Variants in IRS2 observed in about 807,000 individuals in gnomAD.
IRS2 encodes insulin receptor substrate 2.
Under a neutral mutation model 70.9 loss-of-function variants are expected in IRS2, and 28 were observed. The ratio of observed to expected loss-of-function variants is 0.39; its 90% CI spans 0.29 to 0.54. The LOEUF is 0.54. IRS2 is among the 20% of genes least tolerant of loss of function. IRS2 has a pLI of 0.59. For synonymous variants in IRS2, 1,217 were observed against 981.9 expected (o/e 1.24, Z -4.48); for missense variants, 2,081 against 2,024.1 (o/e 1.03, Z -0.54).
intron 1 of IRS2, among the ~76,000 whole-genome samples, chr13:109,758,642 T>C (rs956007823): frequency 2.6e-5 from 4 of 152,130 alleles, no homozygotes; most frequent in Admixed American, 2.6e-4. Context: ...TTTTATTTTT[T>C]GGAAGTAGAA....
intron 1 of IRS2, among the ~76,000 whole-genome samples, chr13:109,761,538 C>T (rs964216622): frequency 1.3e-5 from 2 of 149,820 alleles, no homozygotes; most frequent in Non-Finnish European, 1.5e-5. Flanking sequence ...AAAATAAACC[C>T]GATAATTTAG....
chr13:109,775,645 T>C (rs1473050262), intron 1 of IRS2, among the ~76,000 whole-genome samples: 2 of 152,010 alleles, frequency 1.3e-5, no homozygotes, highest in Non-Finnish European at 2.9e-5. Flanking sequence ...GCTTAAGTTA[T>C]AAAGTTTCAA....
intron 1 of IRS2, among the ~76,000 whole-genome samples, chr13:109,773,384 T>C (rs769196062): frequency 1.3e-5 from 2 of 152,194 alleles, no homozygotes; most frequent in Non-Finnish European, 2.9e-5. Context: ...AATGGACTTA[T>C]CCATAATGGG....
chr13:109,761,431 C>T (rs1469637097), intron 1 of IRS2, among the ~76,000 whole-genome samples: 27 of 152,148 alleles, frequency 1.8e-4, no homozygotes, highest in Non-Finnish European at 2.9e-5. Context: ...TCAAACATAT[C>T]GTACAGGTAC....
chr13:109,769,590 C>G (rs1376164723), intron 1 of IRS2, among the ~76,000 whole-genome samples: 1 of 152,186 alleles, frequency 6.6e-6, no homozygotes, highest in Non-Finnish European at 1.5e-5. Flanking sequence ...TTCCTTTCCC[C>G]CCTCTCCCTT....
Position 109,754,327 on chromosome 13 carries a change from G to A in IRS2, c.*1977C>T. On this transcript the variant is annotated 3_prime_UTR_variant, in exon 2 of 2. Transcript: ENST00000375856. ...ATATTATCATCTGTGTATTTTGCTT[G>A]TTTTAAGCTGCAGTATGAACACGAA... The A allele has an allele frequency of 4.5e-6, 1 of 220,158 alleles. No individual in the cohort carries two copies. Among genetic ancestry groups the A allele is most frequent in the Non-Finnish European group, 9.1e-6 (1 of 109,914 alleles). 13.6% of individuals were successfully genotyped at this position (220,158 alleles called of 1,614,324 possible).
At chr13:109,767,132 C>T (rs1877352940) in intron 1 of IRS2, among the ~76,000 whole-genome samples, 2 of 152,156 alleles carry the variant, frequency 1.3e-5, no homozygotes, top group African/African-American at 4.8e-5. Context: ...CCAACTTCTC[C>T]TGGAGGGTCC....
rs1877087105 is a variant in IRS2 at position 109,755,539 on chromosome 13, C to A, written c.*765G>T. On this transcript the variant is annotated 3_prime_UTR_variant, in exon 2 of 2. Coordinates refer to ENST00000375856, the MANE Select transcript of IRS2 (RefSeq NM_003749.3). ...CCCTTCCCAAAGCCCTTCCCTCCCA[C>A]CTCCCACTACCCAATACAGTTGATT... The A allele has an allele frequency of 4.8e-6, 1 of 210,096 alleles. No homozygotes were observed. The highest frequency in any genetic ancestry group is 9.7e-6 in the Non-Finnish European group (1 of 103,274). The allele number at this position is 210,096 out of a possible 1,614,324, so 13.0% of individuals were successfully genotyped here. A position where few individuals can be genotyped will look rare whatever the true frequency, so the allele number is the denominator to read the frequency against.
In IRS2 at chr13:109,785,706, G is replaced by A. The variant is rs2138939003; in HGVS notation, c.348C>T (p.Tyr116=). The A allele has an allele frequency of 1.2e-6, 2 of 1,601,056 alleles. No individual in the cohort carries two copies. The highest frequency in any genetic ancestry group is 2.7e-5 in the African/African-American group (2 of 74,852). The change falls in exon 1 of 2, where the codon TAC becomes TAT. Residue 116 remains tyrosine, a synonymous_variant. Transcript: ENST00000375856. The surrounding 1 kb of genome is among the most constrained non-coding windows in gnomAD (Gnocchi z 9.3). ...DAKHKYLIAL[Y]TKDEYFAVAA... ...CCACGGCGAAGTACTCGTCCTTGGTGTAGAGGGCGATCAGGTACTTGTGCT... is the reference window on the plus strand; with the variant it reads ...CCACGGCGAAGTACTCGTCCTTGGTATAGAGGGCGATCAGGTACTTGTGCT...
chr13:109,761,341 A>AAACGATAC (rs1482801301), intron 1 of IRS2, among the ~76,000 whole-genome samples: 11 of 152,278 alleles, frequency 7.2e-5, no homozygotes, highest in African/African-American at 2.4e-4. Context: ...TGACAAAATG[A>AAACGATAC]AACGATACAC....
intron 1 of IRS2, among the ~76,000 whole-genome samples, chr13:109,780,180 A>C (rs1329077826): frequency 6.6e-6 from 1 of 152,218 alleles, no homozygotes; most frequent in East Asian, 1.9e-4. Context: ...GATTAGAATC[A>C]GATTCGGGTA....
chr13:109,785,531 C>T lies in IRS2; in HGVS notation c.523G>A (p.Ala175Thr). 1.3e-6 allele frequency: 2 copies of T among 1,583,048 alleles called. No individual in the cohort carries two copies. Among genetic ancestry groups the T allele is most frequent in the Non-Finnish European group, 1.7e-6 (2 of 1,165,160 alleles). Reference protein sequence around the residue: ...ASLPGALGGSAGAAGAEDSYG... With the variant: ...ASLPGALGGSTGAAGAEDSYG... ...CTGTCCTCGGCCCCGGCGGCGCCGG[C>T]AGAGCCGCCCAGGGCGCCGGGCAGG... Residue 175 changes from alanine (A) to threonine (T), a missense_variant, in exon 1 of 2, where the codon GCC becomes ACC. This residue lies in a region of IRS2 where 320 missense variants were observed against 352.9 expected (regional missense o/e 0.91). Transcript: ENST00000375856. The surrounding 1 kb of genome is among the most constrained non-coding windows in gnomAD (Gnocchi z 9.3).
chr13:109,785,082 G>A lies in IRS2; in HGVS notation c.972C>T (p.Arg324=), dbSNP rs1249991900. The change falls in exon 1 of 2, where the codon CGC becomes CGT. Residue 324 remains arginine, a synonymous_variant. Transcript: ENST00000375856. This position sits in a 1 kb window ranked among gnomAD's most constrained non-coding sequence, Gnocchi z 9.3. ...THPISVPGAR[R]HHHLVNLPPS... ...GGGGCAGGTTGACCAGGTGGTGGTG[G>A]CGGCGCGCGCCGGGGACGCTGATGG... The A allele has an allele frequency of 6.3e-6, 10 of 1,578,628 alleles. No homozygotes were observed. The highest frequency in any genetic ancestry group is 2.7e-5 in the African/African-American group (2 of 74,368).
intron 1 of IRS2, among the ~76,000 whole-genome samples, chr13:109,781,659 T>A (rs1308445667): frequency 6.6e-6 from 1 of 152,096 alleles, no homozygotes; most frequent in African/African-American, 2.4e-5. Context: ...CCGAGGTCCT[T>A]CCAGAAGGAC....
rs1877103911 is a variant in IRS2 at position 109,756,195 on chromosome 13, A to T, written c.*109T>A. 3.2e-6 allele frequency: 3 copies of T among 950,812 alleles called. No homozygotes were observed. Among genetic ancestry groups the T allele is most frequent in the African/African-American group, 1.6e-5 (1 of 62,450 alleles). 58.9% of individuals were successfully genotyped at this position (950,812 alleles called of 1,614,324 possible). ...ATGTTTCCAAACACAGTCATTGCTCAGATCCAAAAGAAAACTGCAAGCAGC... is the reference window on the plus strand; with the variant it reads ...ATGTTTCCAAACACAGTCATTGCTCTGATCCAAAAGAAAACTGCAAGCAGC... On this transcript the variant is annotated 3_prime_UTR_variant, in exon 2 of 2. Transcript: ENST00000375856.
At chr13:109,775,799 C>CACACACACA (rs1438631876) in intron 1 of IRS2, among the ~76,000 whole-genome samples, 5 of 148,894 alleles carry the variant, frequency 3.4e-5, no homozygotes, top group South Asian at 2.1e-4. Flanking sequence ...CACACACACA[C>CACACACACA]CAGCCCCAAA....
intron 1 of IRS2, among the ~76,000 whole-genome samples, chr13:109,766,728 A>G (rs1278839880): frequency 1.1e-5 from 1 of 88,100 alleles, no homozygotes; most frequent in Non-Finnish European, 2.6e-5. Flanking sequence ...CCGACTCCCC[A>G]CCAAGCATGT....
Position 109,782,481 on chromosome 13 carries a change from AC to A in IRS2, c.3572del (p.Gly1191ValfsTer68). 6.4e-7 allele frequency: 1 copy of A among 1,557,392 alleles called. No homozygotes were observed. Among genetic ancestry groups the A allele is most frequent in the Non-Finnish European group, 8.7e-7 (1 of 1,151,472 alleles). ...GCTCGTCGCCCCCTCCAGGGCCGAC[AC>A]CCACGCCGCCCTCGCTGCTTTTCCT... ...SLRKSSEGGV[G>X]VGPGGGDEPP... On this transcript the variant is annotated frameshift_variant, in exon 1 of 2. Coordinates refer to ENST00000375856, the MANE Select transcript of IRS2 (RefSeq NM_003749.3). LOFTEE classifies it high-confidence loss of function.
At chr13:109,771,896 C>G (rs552551428) in intron 1 of IRS2, among the ~76,000 whole-genome samples, 1 of 152,356 alleles carries the variant, frequency 6.6e-6, no homozygotes, top group African/African-American at 2.4e-5. Flanking sequence ...TCAATACACT[C>G]TAATCCACGA....
Sources: gnomAD v4.1 joint callset for allele counts (sites outside exome capture counted in the v4.1 genomes callset) on GRCh38, gnomAD v4.1.1 for gene constraint, gnomAD v4.1.1 regional missense constraint, Gnocchi (gnomAD v3.1) non-coding constraint, MANE v1.5 for transcripts, NCBI Gene and HGNC (gene_info 2026-07-23, HGNC 2026-07-21) for gene names.